The following STK32B variants were observed in gnomAD, a reference collection of about 807,000 sequenced individuals.
The protein encoded by STK32B is serine/threonine kinase 32B, also known as serine/threonine-protein kinase 32B.
STK32B carries 43 observed loss-of-function variants against 52.6 expected under a neutral mutation model. The ratio of observed to expected loss-of-function variants is 0.82; its 90% CI spans 0.64 to 1.05. The LOEUF (loss-of-function observed/expected upper bound fraction) is 1.05, where lower values mean the gene tolerates loss of function less well. Among genes scored for constraint, STK32B ranks in the 50% least tolerant of loss-of-function variants. STK32B has a pLI of 0.00. For missense variants in STK32B, 621 were observed against 534.6 expected, an observed-to-expected ratio of 1.16 and a Z score of -1.59; for synonymous variants, 238 against 204.3, an observed-to-expected ratio of 1.17 and a Z score of -1.41.
At chr4:5,423,177 G>T (rs911684008) in intron 6 of STK32B, among the ~76,000 whole-genome samples, 1 of 152,236 alleles carries the variant, frequency 6.6e-6, no homozygotes, top group African/African-American at 2.4e-5. Flanking sequence ...TGGAGAAACC[G>T]ATGAGTAACA....
At chr4:5,365,762 T>A (rs1396741012) in intron 4 of STK32B, among the ~76,000 whole-genome samples, 1 of 152,210 alleles carries the variant, frequency 6.6e-6, no homozygotes, top group Non-Finnish European at 1.5e-5. Flanking sequence ...GCTGTTGATG[T>A]TACTCATTTT....
intron 11 of STK32B, among the ~76,000 whole-genome samples, chr4:5,472,734 A>C (rs567768496): frequency 6.6e-6 from 1 of 152,338 alleles, no homozygotes; most frequent in African/African-American, 2.4e-5. Context: ...CCTTGAAAAT[A>C]TCACATTTAA....
At chr4:5,261,072 A>G (rs1004857280) in intron 3 of STK32B, among the ~76,000 whole-genome samples, 2 of 152,134 alleles carry the variant, frequency 1.3e-5, no homozygotes, top group African/African-American at 2.4e-5. Flanking sequence ...AACTCCAAAC[A>G]TGGCTGATAG....
intron 3 of STK32B, among the ~76,000 whole-genome samples, chr4:5,184,595 G>C (rs1021558435): frequency 2.0e-5 from 3 of 150,694 alleles, no homozygotes; most frequent in African/African-American, 7.3e-5. Context: ...GGCTGAGGCA[G>C]GAGAATTGCT....
At chr4:5,210,320 C>T (rs1345005218) in intron 3 of STK32B, among the ~76,000 whole-genome samples, 2 of 152,106 alleles carry the variant, frequency 1.3e-5, no homozygotes, top group East Asian at 1.9e-4. Flanking sequence ...CCCACCTGAC[C>T]TTCTGCCCTT....
In STK32B at chr4:5,458,430, G is replaced by A. The variant is rs140923127; in HGVS notation, c.783+1507G>A. Among the ~76,000 whole-genome samples, 10 of 152,308 alleles carry A rather than the reference G, an allele frequency of 6.6e-5. No individual in the cohort carries two copies. The East Asian group carries it at 1.4e-3, about 21-fold the overall frequency. ...CTCCCAAGCCCTGTGAGCAGGGAAA[G>A]TGTCACTATCCCAGTACCAGAGATG... On this transcript the variant is annotated intron_variant, in intron 8 of 11. Transcript: ENST00000282908.
chr4:5,345,977 G>T lies in STK32B; in HGVS notation c.434+14584G>T, dbSNP rs1452555738. Among the ~76,000 whole-genome samples, 3 of 152,284 alleles carry T rather than the reference G, an allele frequency of 2.0e-5. No homozygotes were observed. In the East Asian group the frequency reaches 5.8e-4, roughly 29 times the overall value. On this transcript the variant is annotated intron_variant, in intron 4 of 11. Transcript: ENST00000282908. ...TGGCCCTTTCCCATTGAGTTTGCAT[G>T]AACTGATGGGAATATCATTTGTGTT...
At chr4:5,493,778 G>A (rs1426922503) in intron 11 of STK32B, among the ~76,000 whole-genome samples, 2 of 152,138 alleles carry the variant, frequency 1.3e-5, no homozygotes, top group African/African-American at 4.8e-5. Context: ...GGTATGTTGT[G>A]TCTTTGTTCT....
chr4:5,397,690 T>G (rs1033906420), intron 4 of STK32B, among the ~76,000 whole-genome samples: 33 of 152,344 alleles, frequency 2.2e-4, no homozygotes, highest in African/African-American at 7.5e-4. Context: ...TTACAGTGCT[T>G]TAAAGATGTT....
chr4:5,391,735 A>G (rs1736609646), intron 4 of STK32B, among the ~76,000 whole-genome samples: 1 of 152,170 alleles, frequency 6.6e-6, no homozygotes, highest in African/African-American at 2.4e-5. Context: ...TAAACACTTG[A>G]CCACGAATGG....
chr4:5,416,774 A>C (rs1712199035), intron 5 of STK32B, 71 bp from the exon 6 acceptor site: 3 of 1,381,952 alleles, frequency 2.2e-6, no homozygotes, highest in Non-Finnish European at 3.0e-6. Context: ...CTCACCTTGC[A>C]AACCACAGCT....
chr4:5,123,044 T>C (rs1223294085), intron 1 of STK32B, among the ~76,000 whole-genome samples: 1 of 151,024 alleles, frequency 6.6e-6, no homozygotes, highest in Non-Finnish European at 1.5e-5. Flanking sequence ...TGGGTCCCCT[T>C]CTTTATCACC....
chr4:5,128,926 A>G (rs1234855359), intron 1 of STK32B, among the ~76,000 whole-genome samples: 1 of 152,196 alleles, frequency 6.6e-6, no homozygotes, highest in East Asian at 1.9e-4. Flanking sequence ...GTAAAACGTC[A>G]CCTTCAGCAT....
At chr4:5,387,665 C>T (rs1170889207) in intron 4 of STK32B, among the ~76,000 whole-genome samples, 3 of 152,138 alleles carry the variant, frequency 2.0e-5, no homozygotes, top group Non-Finnish European at 4.4e-5. Flanking sequence ...ACATCTCTGC[C>T]CCACCCAGAG....
the STK32B span, among the ~76,000 whole-genome samples, chr4:5,042,858 G>A: frequency 1.3e-5 from 2 of 152,050 alleles, no homozygotes; most frequent in African/African-American, 2.4e-5. Flanking sequence ...TGTAATCCCA[G>A]CACTTTGGGA....
At chr4:5,143,275 G>A (rs1231544812) in intron 2 of STK32B, among the ~76,000 whole-genome samples, 1 of 152,206 alleles carries the variant, frequency 6.6e-6, no homozygotes, top group Non-Finnish European at 1.5e-5. Flanking sequence ...AAGAGCCAAA[G>A]AGAAAAGAGT....
rs548197986 is a variant in STK32B, at chr4:5,472,175, T to G, written c.1106+4105T>G. 3.9e-5 allele frequency among the ~76,000 whole-genome samples: 6 copies of G among 152,342 alleles called. No homozygotes were observed. In the South Asian group the frequency reaches 1.2e-3, roughly 32 times the overall value. On this transcript the variant is annotated intron_variant, in intron 11 of 11. Coordinates refer to ENST00000282908, the MANE Select transcript of STK32B (RefSeq NM_018401.3). ...TCATTTGACAGCTAAATCATAATCC[T>G]GGACTGGGCCTCACACAGAAGTGAG...
chr4:5,354,235 G>A (rs1020888687), intron 4 of STK32B, among the ~76,000 whole-genome samples: 1 of 152,176 alleles, frequency 6.6e-6, no homozygotes, highest in Non-Finnish European at 1.5e-5. Flanking sequence ...GCTGGAGAGG[G>A]TATGTAGATT....
chr4:5,460,861 T>A lies in STK32B; in HGVS notation c.909+633T>A, dbSNP rs1716973666. Among the ~76,000 whole-genome samples, 1 of 152,170 alleles carries A rather than the reference T, an allele frequency of 6.6e-6. No homozygotes were observed. Among genetic ancestry groups the A allele is most frequent in the South Asian group, 2.1e-4 (1 of 4,830 alleles). On this transcript the variant is annotated intron_variant, in intron 9 of 11. Transcript: ENST00000282908. The surrounding 1 kb of genome is among the most constrained non-coding windows in gnomAD (Gnocchi z 4.8). ...GGAAATGGGGCCAGGAGGGAACACA[T>A]GCCACACCAAAAAGGCTTCCAGAGG... is the stretch of plus-strand genomic sequence containing the variant.
Sources: gnomAD v4.1 joint callset for allele counts (sites outside exome capture counted in the v4.1 genomes callset) on GRCh38, gnomAD v4.1.1 for gene constraint, Gnocchi (gnomAD v3.1) non-coding constraint, MANE v1.5 for transcripts, NCBI Gene and HGNC (gene_info 2026-07-23, HGNC 2026-07-21) for gene names.